Variants in PRDM16 observed in about 807,000 individuals in gnomAD.
The protein encoded by PRDM16 is histone-lysine N-methyltransferase PRDM16.
PRDM16 carries 23 observed loss-of-function variants against 110.6 expected under a neutral mutation model. The observed-to-expected ratio is 0.21, with a 90% confidence interval of 0.15 to 0.29. The LOEUF (loss-of-function observed/expected upper bound fraction) is 0.29, where lower values mean the gene tolerates loss of function less well. PRDM16 is among the 10% of genes least tolerant of loss of function. PRDM16 has a pLI of 1.00. For missense variants in PRDM16, 1,615 were observed against 1,794.3 expected, an observed-to-expected ratio of 0.90 and a Z score of 1.81; for synonymous variants, 799 against 781.8, an observed-to-expected ratio of 1.02 and a Z score of -0.37.
At chr1:3,071,538 G>A (rs2100519260) in intron 1 of PRDM16, among the ~76,000 whole-genome samples, 1 of 152,396 alleles carries the variant, frequency 6.6e-6, no homozygotes, top group South Asian at 2.1e-4. Context: ...CAAGGTGGCT[G>A]AGGCAGGTTC....
chr1:3,318,320 G>C (rs1570059540), intron 3 of PRDM16, among the ~76,000 whole-genome samples: 1 of 152,282 alleles, frequency 6.6e-6, no homozygotes, highest in East Asian at 1.9e-4. Context: ...TGAGGAGTTT[G>C]GGTGGTGTTG....
intron 3 of PRDM16, among the ~76,000 whole-genome samples, chr1:3,259,165 C>T (rs1349519918): frequency 6.6e-6 from 1 of 152,194 alleles, no homozygotes; most frequent in Non-Finnish European, 1.5e-5. Flanking sequence ...TCTGCCCACA[C>T]ACAGCCCTTC....
chr1:3,138,648 T>TA (rs1481061904), intron 1 of PRDM16, among the ~76,000 whole-genome samples: 1 of 152,184 alleles, frequency 6.6e-6, no homozygotes, highest in Non-Finnish European at 1.5e-5. Context: ...CCCCTTCCTT[T>TA]CTGAATATGG....
rs1230816809 is a variant in PRDM16 at position 3,243,019 on chromosome 1, C to T, written c.388-1068C>T. 2.0e-5 allele frequency among the ~76,000 whole-genome samples: 3 copies of T among 152,230 alleles called. No individual in the cohort carries two copies. The highest frequency in any genetic ancestry group is 2.0e-4 in the Admixed American group (3 of 15,294). ...ACTGAGACGCCGCCACTCTGGAGTG[C>T]AGCCTGGTGGCTTTTAAGAGGAGAC... On this transcript the variant is annotated intron_variant, in intron 2 of 16. Coordinates refer to ENST00000270722, the MANE Select transcript of PRDM16 (RefSeq NM_022114.4). The surrounding 1 kb of genome is among the most constrained non-coding windows in gnomAD (Gnocchi z 5.5).
chr1:3,089,574 G>A (rs1570231895), intron 1 of PRDM16, among the ~76,000 whole-genome samples: 1 of 152,342 alleles, frequency 6.6e-6, no homozygotes, highest in African/African-American at 2.4e-5. Context: ...GTTTATTTGG[G>A]CCTTTCTACA....
chr1:3,072,728 C>G (rs766560930), intron 1 of PRDM16, among the ~76,000 whole-genome samples: 2 of 152,196 alleles, frequency 1.3e-5, no homozygotes, highest in Non-Finnish European at 2.9e-5. Context: ...CTCTGAAGGC[C>G]GGTTAGGGCA....
intron 3 of PRDM16, among the ~76,000 whole-genome samples, chr1:3,367,125 C>T (rs956189922): frequency 2.6e-5 from 4 of 152,122 alleles, no homozygotes; most frequent in East Asian, 3.9e-4. Context: ...AAAAATTACC[C>T]GGGCGTGGTG....
intron 1 of PRDM16, among the ~76,000 whole-genome samples, chr1:3,181,237 TACAC>T (rs138543974): frequency 1.4e-5 from 1 of 69,662 alleles, no homozygotes; most frequent in Non-Finnish European, 3.8e-5. Context: ...CACACGGTCT[TACAC>T]ACAGTCTTAC....
chr1:3,356,225 G>A (rs1642596301), intron 3 of PRDM16, among the ~76,000 whole-genome samples: 1 of 152,194 alleles, frequency 6.6e-6, no homozygotes. Context: ...GCTTGAGCAG[G>A]CCGACGTGTC....
intron 1 of PRDM16, among the ~76,000 whole-genome samples, chr1:3,164,836 G>A (rs998261976): frequency 1.3e-5 from 2 of 152,186 alleles, no homozygotes; most frequent in Non-Finnish European, 2.9e-5. Flanking sequence ...CGCCCAGCCC[G>A]CCTCCGTTCT....
intron 3 of PRDM16, among the ~76,000 whole-genome samples, chr1:3,319,082 AT>A (rs1221888601): frequency 2.6e-5 from 4 of 151,958 alleles, no homozygotes; most frequent in African/African-American, 4.8e-5. Context: ...CAGGAGGAGA[AT>A]TTTTTTTCAG....
intron 14 of PRDM16, among the ~76,000 whole-genome samples, chr1:3,428,317 G>A (rs144363650): frequency 0.015 from 2,213 of 149,270 alleles, 153 homozygotes; most frequent in African/African-American, 0.054. Flanking sequence ...CAGCCCGGCC[G>A]CACTGCAGGA....
chr1:3,129,184 G>A (rs1412351779), intron 1 of PRDM16, among the ~76,000 whole-genome samples: 2 of 148,752 alleles, frequency 1.3e-5, no homozygotes, highest in Non-Finnish European at 1.5e-5. Flanking sequence ...CCTGCCTAGT[G>A]TGTGGGTGTG....
At chr1:3,071,228 T>G (rs972147826) in intron 1 of PRDM16, among the ~76,000 whole-genome samples, 3 of 152,240 alleles carry the variant, frequency 2.0e-5, no homozygotes, top group Admixed American at 6.5e-5. Context: ...CGCGCGGCCC[T>G]GGAAACTTCC....
chr1:3,325,076 C>T (rs1337887454), intron 3 of PRDM16, among the ~76,000 whole-genome samples: 5 of 152,218 alleles, frequency 3.3e-5, no homozygotes, highest in African/African-American at 9.6e-5. Flanking sequence ...AGAGCTGGCT[C>T]AGCCTCTTCC....
chr1:3,150,690 C>T (rs973239133), intron 1 of PRDM16, among the ~76,000 whole-genome samples: 7 of 152,182 alleles, frequency 4.6e-5, no homozygotes, highest in Admixed American at 3.3e-4. Flanking sequence ...CCTGCCCACC[C>T]TCCCAAGAAT....
intron 2 of PRDM16, among the ~76,000 whole-genome samples, chr1:3,198,130 G>A (rs1000776048): frequency 2.6e-5 from 4 of 152,206 alleles, no homozygotes; most frequent in South Asian, 4.1e-4. Context: ...CCTCCTGCAC[G>A]CGGGTAGAAT....
intron 1 of PRDM16, among the ~76,000 whole-genome samples, chr1:3,088,224 T>C (rs2981880): frequency 0.29 from 43,700 of 151,874 alleles, 6,582 homozygotes; most frequent in Middle Eastern, 0.35. Flanking sequence ...GACTCTGGAG[T>C]TGCAGTTGCA....
intron 3 of PRDM16, among the ~76,000 whole-genome samples, chr1:3,294,906 G>A (rs2100369202): frequency 6.6e-6 from 1 of 152,316 alleles, no homozygotes; most frequent in East Asian, 1.9e-4. Flanking sequence ...ACAGACCCAG[G>A]GGAGAGGGGT....
Sources: gnomAD v4.1 joint callset for allele counts (sites outside exome capture counted in the v4.1 genomes callset) on GRCh38, gnomAD v4.1.1 for gene constraint, Gnocchi (gnomAD v3.1) non-coding constraint, MANE v1.5 for transcripts, NCBI Gene and HGNC (gene_info 2026-07-23, HGNC 2026-07-21) for gene names.